Variants in AATF observed in about 807,000 individuals in gnomAD.
The protein encoded by AATF is protein AATF.
AATF carries 48 observed loss-of-function variants against 63.7 expected under a neutral mutation model. That is an observed-to-expected ratio of 0.75 (90% CI 0.60 to 0.96). The LOEUF is 0.96. Ranked by LOEUF, AATF falls within the 40% of genes least tolerant of loss-of-function variation. AATF has a pLI of 0.00. For missense variants in AATF, 639 were observed against 685.7 expected (o/e 0.93, Z 0.76); for synonymous variants, 258 against 247.7 (o/e 1.04, Z -0.39).
intron 9 of AATF, among the ~76,000 whole-genome samples, chr17:37,020,343 G>A (rs1227279249): frequency 1.3e-5 from 2 of 151,812 alleles, no homozygotes; most frequent in African/African-American, 2.4e-5. Context: ...GAGGGGAGAA[G>A]AGTCCTTATC....
At chr17:36,964,400 A>G (rs772456952) in intron 4 of AATF, among the ~76,000 whole-genome samples, 6 of 152,006 alleles carry the variant, frequency 3.9e-5, no homozygotes, top group Non-Finnish European at 8.8e-5. Flanking sequence ...CTAGCTACTC[A>G]GGAGGCTGAG....
intron 8 of AATF, among the ~76,000 whole-genome samples, chr17:37,015,245 C>G (rs1206199608): frequency 1.3e-5 from 2 of 152,112 alleles, no homozygotes; most frequent in East Asian, 3.8e-4. Context: ...TTAGAGTAGC[C>G]TTGGATGTCA....
At chr17:37,056,262 T>C (rs573144526) in intron 11 of AATF, 36 of 240,650 alleles carry the variant, frequency 1.5e-4, no homozygotes, top group African/African-American at 7.4e-4. Context: ...CCATGTCTGA[T>C]TGAATCCTCC....
At chr17:37,025,241 G>A (rs2071502300) in intron 10 of AATF, among the ~76,000 whole-genome samples, 1 of 152,192 alleles carries the variant, frequency 6.6e-6, no homozygotes, top group African/African-American at 2.4e-5. Context: ...GAGGGAGGGA[G>A]TGGATTCAGT....
At chr17:37,043,510 C>G (rs1288578515) in intron 11 of AATF, among the ~76,000 whole-genome samples, 1 of 152,196 alleles carries the variant, frequency 6.6e-6, no homozygotes, top group Non-Finnish European at 1.5e-5. Context: ...AACTGTATAA[C>G]AGTTCACAGA....
chr17:36,965,404 T>C (rs1458079569), intron 4 of AATF, among the ~76,000 whole-genome samples: 2 of 152,218 alleles, frequency 1.3e-5, no homozygotes, highest in African/African-American at 4.8e-5. Flanking sequence ...CTTCCTCTTA[T>C]AAGGACCCTT....
At chr17:36,978,242 A>C (rs1030856397) in intron 4 of AATF, among the ~76,000 whole-genome samples, 2 of 152,054 alleles carry the variant, frequency 1.3e-5, no homozygotes, top group African/African-American at 4.8e-5. Flanking sequence ...TTACTCCCCC[A>C]ATTCCCCACA....
Position 37,028,261 on chromosome 17 carries a change from T to A in AATF, c.1548-3353T>A, listed in dbSNP as rs57236987. On this transcript the variant is annotated intron_variant, in intron 10 of 11. Transcript: ENST00000619387. Reference sequence around the variant, plus strand: ...ACCCTCTCTCTACCAAAAAAAAAAATTTAAAAATTAGCCAGGCATGGTGGC... The same window carrying A: ...ACCCTCTCTCTACCAAAAAAAAAAAATTAAAAATTAGCCAGGCATGGTGGC... 1.5e-3 allele frequency among the ~76,000 whole-genome samples: 228 copies of A among 151,410 alleles called. 1 individual carries two copies. Among genetic ancestry groups the A allele is most frequent in the African/African-American group, 5.4e-3 (222 of 41,276 alleles).
At chr17:36,976,102 G>A (rs2071078007) in intron 4 of AATF, among the ~76,000 whole-genome samples, 1 of 151,940 alleles carries the variant, frequency 6.6e-6, no homozygotes, top group Non-Finnish European at 1.5e-5. Context: ...TCTCACTTGT[G>A]TTTTTTATCA....
intron 4 of AATF, among the ~76,000 whole-genome samples, chr17:36,958,279 C>A (rs990778031): frequency 5.9e-5 from 9 of 152,114 alleles, no homozygotes; most frequent in African/African-American, 1.7e-4. Context: ...TCTCCTGTCT[C>A]TGCCTCCTGG....
At chr17:36,954,152 C>T (rs376631665) in intron 4 of AATF, among the ~76,000 whole-genome samples, 1 of 150,580 alleles carries the variant, frequency 6.6e-6, no homozygotes, top group Non-Finnish European at 1.5e-5. Flanking sequence ...ACTGCAGCCT[C>T]GTCCTCCTGG....
chr17:36,975,707 A>G (rs1303745639), intron 4 of AATF, among the ~76,000 whole-genome samples: 2 of 152,236 alleles, frequency 1.3e-5, no homozygotes, highest in Non-Finnish European at 2.9e-5. Context: ...GGAGCTAGGC[A>G]TATATAAAAC....
At chr17:36,988,012 T>C (rs1445945826) in intron 5 of AATF, among the ~76,000 whole-genome samples, 1 of 152,238 alleles carries the variant, frequency 6.6e-6, no homozygotes, top group African/African-American at 2.4e-5. Flanking sequence ...TTTTTATATT[T>C]GTTTTAAAAG....
chr17:37,031,139 G>A (rs1200097916), intron 10 of AATF, among the ~76,000 whole-genome samples: 1 of 152,160 alleles, frequency 6.6e-6, no homozygotes, highest in Non-Finnish European at 1.5e-5. Context: ...CACATCAGTG[G>A]ATTCAACCAA....
chr17:36,960,219 G>A (rs970115451), intron 4 of AATF, among the ~76,000 whole-genome samples: 1 of 152,068 alleles, frequency 6.6e-6, no homozygotes, highest in Non-Finnish European at 1.5e-5. Flanking sequence ...TCACCATATT[G>A]GCCAGGCCGG....
intron 4 of AATF, among the ~76,000 whole-genome samples, chr17:36,956,110 G>T (rs144861616): frequency 1.9e-4 from 29 of 152,156 alleles, no homozygotes; most frequent in African/African-American, 6.3e-4. Flanking sequence ...CTTTTATTTT[G>T]TTCTGATCTT....
intron 10 of AATF, among the ~76,000 whole-genome samples, chr17:37,023,492 T>C (rs531671530): frequency 1.1e-4 from 16 of 151,524 alleles, no homozygotes; most frequent in African/African-American, 2.9e-4. Flanking sequence ...TAAAATCTTA[T>C]TCTTTTTAAA....
At chr17:36,978,535 A>AT (rs1266041976) in intron 4 of AATF, among the ~76,000 whole-genome samples, 1 of 152,074 alleles carries the variant, frequency 6.6e-6, no homozygotes, top group East Asian at 1.9e-4. Flanking sequence ...ATTTTGTACC[A>AT]TAAAAAAAAA....
Position 36,949,019 on chromosome 17 carries a change from G to T in AATF, c.-107G>T. 1 of 1,086,108 alleles carries T rather than the reference G, an allele frequency of 9.2e-7. No individual in the cohort carries two copies. The highest frequency in any genetic ancestry group is 1.3e-6 in the Non-Finnish European group (1 of 753,470). The allele number at this position is 1,086,108 out of a possible 1,614,324, so 67.3% of individuals were successfully genotyped here. Reference sequence around the variant, plus strand: ...CTCCGCGCGGTCTCTGGCGGAGTCGGGGAATCGGATCAAGGCGAGAGGATC... The same window carrying T: ...CTCCGCGCGGTCTCTGGCGGAGTCGTGGAATCGGATCAAGGCGAGAGGATC... On this transcript the variant is annotated 5_prime_UTR_variant, in exon 1 of 12. Transcript: ENST00000619387.
Sources: gnomAD v4.1 joint callset for allele counts (sites outside exome capture counted in the v4.1 genomes callset) on GRCh38, gnomAD v4.1.1 for gene constraint, MANE v1.5 for transcripts, NCBI Gene and HGNC (gene_info 2026-07-23, HGNC 2026-07-21) for gene names.